Variants in ASH1L observed in about 807,000 individuals in gnomAD.
ASH1L encodes ASH1 like histone lysine methyltransferase, also known as histone-lysine N-methyltransferase ASH1L.
In ASH1L, 23 loss-of-function variants were observed where a neutral mutation model predicts 269.0. The ratio of observed to expected loss-of-function variants is 0.09; its 90% CI spans 0.06 to 0.12. The LOEUF (loss-of-function observed/expected upper bound fraction) is 0.12. ASH1L is among the 10% of genes least tolerant of loss of function. The probability of loss-of-function intolerance (pLI) is 1.00; values close to 1 mark genes in which losing one functional copy is unlikely to be tolerated. For missense variants in ASH1L, 2,912 were observed against 3,567.8 expected (o/e 0.82, Z 4.68); for synonymous variants, 1,187 against 1,253.5 (o/e 0.95, Z 1.12).
At chr1:155,471,037 TTCC>T (rs1203897617) in intron 3 of ASH1L, among the ~76,000 whole-genome samples, 1 of 152,224 alleles carries the variant, frequency 6.6e-6, no homozygotes, top group Non-Finnish European at 1.5e-5. Context: ...CTAAAAACTT[TTCC>T]TCGACTGGTT....
intron 4 of ASH1L, among the ~76,000 whole-genome samples, chr1:155,453,222 GCA>G (rs1663622222): frequency 6.6e-6 from 1 of 152,096 alleles, no homozygotes; most frequent in African/African-American, 2.4e-5. Flanking sequence ...AGGCGTGGTA[GCA>G]CACACCTATA....
At chr1:155,349,709 CTTTTTT>C (rs993462774) in intron 17 of ASH1L, 113 bp from the exon 18 acceptor site, 150 of 299,040 alleles carry the variant, frequency 5.0e-4, no homozygotes, top group Middle Eastern at 1.2e-3. Flanking sequence ...AAATCCAAGT[CTTTTTT>C]TTTTTTTTTT....
At chr1:155,361,240 C>T (rs527391162) in intron 12 of ASH1L, among the ~76,000 whole-genome samples, 3 of 151,812 alleles carry the variant, frequency 2.0e-5, no homozygotes, top group African/African-American at 7.2e-5. Context: ...AAATTAAGGC[C>T]GGGTATGGTG....
intron 5 of ASH1L, among the ~76,000 whole-genome samples, chr1:155,420,089 G>C (rs560227935): frequency 6.6e-6 from 1 of 152,072 alleles, no homozygotes; most frequent in Non-Finnish European, 1.5e-5. Context: ...AGGATGAGGC[G>C]GGCGGACCAC....
At chr1:155,519,130 G>A (rs913989363) in intron 2 of ASH1L, among the ~76,000 whole-genome samples, 2 of 152,104 alleles carry the variant, frequency 1.3e-5, no homozygotes, top group African/African-American at 2.4e-5. Context: ...ATCAAGAGAT[G>A]AATGGATAAA....
At chr1:155,556,401 CGTGTGTGTGTGT>C (rs71080711) in intron 1 of ASH1L, among the ~76,000 whole-genome samples, 269 of 140,558 alleles carry the variant, frequency 1.9e-3, no homozygotes, top group African/African-American at 4.9e-3. Flanking sequence ...CATATATATA[CGTGTGTGTGTGT>C]GTGTGTGTGT....
At chr1:155,553,056 T>C (rs565106560) in intron 1 of ASH1L, among the ~76,000 whole-genome samples, 1 of 152,284 alleles carries the variant, frequency 6.6e-6, no homozygotes, top group East Asian at 1.9e-4. Flanking sequence ...TTGCTCAAAA[T>C]TACAGTCAAT....
intron 2 of ASH1L, among the ~76,000 whole-genome samples, chr1:155,490,176 G>C (rs1241836836): frequency 3.0e-4 from 45 of 151,762 alleles, no homozygotes; most frequent in Admixed American, 3.0e-3. Flanking sequence ...GTGTTAGCCA[G>C]GATGGTCTCG....
rs753184905 is a variant in ASH1L, at chr1:155,352,770, C to A, written c.7302G>T (p.Val2434=). 13 of 1,614,124 alleles carry A rather than the reference C, an allele frequency of 8.1e-6. No individual in the cohort carries two copies. In the South Asian group the frequency reaches 1.3e-4, roughly 16 times the overall value. The part of the protein sequence containing the change: ...RLAAAEENIE[V]ARAARLAQIF... Reference sequence around the variant, plus strand: ...TCTGGGCTAGGCGGGCTGCCCGAGCCACTTCAATATTTTCCTCTGCAGCTG... The same window carrying A: ...TCTGGGCTAGGCGGGCTGCCCGAGCAACTTCAATATTTTCCTCTGCAGCTG... The change falls in exon 17 of 28, where the codon GTG becomes GTT. Residue 2434 remains valine (V), a synonymous_variant. Transcript: ENST00000392403.
chr1:155,476,792 A>G (rs1371036139), intron 3 of ASH1L, among the ~76,000 whole-genome samples: 2 of 151,900 alleles, frequency 1.3e-5, no homozygotes, highest in Admixed American at 1.3e-4. Flanking sequence ...TGACCTCATG[A>G]TCCGCCCACC....
At chr1:155,415,602 A>T in intron 6 of ASH1L, 142 bp downstream of exon 6, 2 of 877,936 alleles carry the variant, frequency 2.3e-6, no homozygotes, top group Non-Finnish European at 3.6e-6. Context: ...AGTTTGAGGG[A>T]GGCGTACCTC....
intron 6 of ASH1L, among the ~76,000 whole-genome samples, chr1:155,406,344 C>G (rs1659292055): frequency 1.3e-5 from 2 of 151,906 alleles, no homozygotes; most frequent in South Asian, 4.1e-4. Flanking sequence ...CAGGAATAGC[C>G]AAAACAATCT....
chr1:155,411,586 A>AATAAATATATATAAATATATATATAT (rs1297131961), intron 6 of ASH1L, among the ~76,000 whole-genome samples: 1 of 55,192 alleles, frequency 1.8e-5, no homozygotes, highest in Admixed American at 2.5e-4. Context: ...TAAATAAATA[A>AATAAATATATATAAATATATATATAT]ATATATATAT....
chr1:155,357,399 G>A lies in ASH1L; in HGVS notation c.6972C>T (p.Leu2324=). 2 of 1,613,498 alleles carry A rather than the reference G, an allele frequency of 1.2e-6. No homozygotes were observed. The highest frequency in any genetic ancestry group is 1.7e-6 in the Non-Finnish European group (2 of 1,179,560). ...TGATATTTTCACTGGGTTCCTCAGAGAGATGGCCTCTCTGAAAAAGAGATG... is the reference window on the plus strand; with the variant it reads ...TGATATTTTCACTGGGTTCCTCAGAAAGATGGCCTCTCTGAAAAAGAGATG... ...KHKLKKRRGH[L]SEEPSENINT... Residue 2324 remains leucine, a synonymous_variant, in exon 15 of 28, where the codon CTC becomes CTT. Transcript: ENST00000392403.
chr1:155,436,939 C>T (rs972731831), intron 5 of ASH1L, among the ~76,000 whole-genome samples: 1 of 152,170 alleles, frequency 6.6e-6, no homozygotes, highest in African/African-American at 2.4e-5. Flanking sequence ...AAAAGACTGT[C>T]TTTTACCCTG....
At chr1:155,540,181 A>G (rs899146340) in intron 1 of ASH1L, among the ~76,000 whole-genome samples, 2 of 152,256 alleles carry the variant, frequency 1.3e-5, no homozygotes, top group East Asian at 3.9e-4. Context: ...GCAACTTACA[A>G]TCTGCAGCAT....
At chr1:155,553,524 T>A (rs1045172288) in intron 1 of ASH1L, among the ~76,000 whole-genome samples, 1 of 152,174 alleles carries the variant, frequency 6.6e-6, no homozygotes, top group Middle Eastern at 3.2e-3. Context: ...AGTGCACTCA[T>A]CCTGCTGTGT....
chr1:155,454,917 G>A (rs1405926728), intron 4 of ASH1L, among the ~76,000 whole-genome samples: 3 of 152,010 alleles, frequency 2.0e-5, no homozygotes, highest in Non-Finnish European at 4.4e-5. Flanking sequence ...GTTGAATTTG[G>A]TAGCCTGAAT....
intron 1 of ASH1L, among the ~76,000 whole-genome samples, chr1:155,537,731 T>G (rs974029601): frequency 1.3e-5 from 2 of 151,618 alleles, no homozygotes; most frequent in African/African-American, 4.9e-5. Flanking sequence ...TTCTTAGATA[T>G]GACAGCATGA....
Sources: gnomAD v4.1 joint callset for allele counts (sites outside exome capture counted in the v4.1 genomes callset) on GRCh38, gnomAD v4.1.1 for gene constraint, MANE v1.5 for transcripts, NCBI Gene and HGNC (gene_info 2026-07-23, HGNC 2026-07-21) for gene names.